The following BUD13 variants were observed in gnomAD, a reference collection of about 807,000 sequenced individuals.
BUD13 encodes BUD13 homolog.
A neutral mutation model predicts 62.5 loss-of-function variants in BUD13; 47 were observed. That is an observed-to-expected ratio of 0.75 (90% CI 0.60 to 0.96). The LOEUF is 0.96. Among genes scored for constraint, BUD13 ranks in the 40% least tolerant of loss-of-function variants. The pLI, the probability that BUD13 is intolerant of heterozygous loss-of-function variation, is 0.00. For missense variants in BUD13, 821 were observed against 790.9 expected (o/e 1.04, Z -0.46); for synonymous variants, 293 against 280.1 (o/e 1.05, Z -0.46).
At chr11:116,749,103 C>A (rs1351236848) in intron 9 of BUD13, among the ~76,000 whole-genome samples, 1 of 152,126 alleles carries the variant, frequency 6.6e-6, no homozygotes, top group Admixed American at 6.5e-5. Flanking sequence ...CTTGTTCACA[C>A]CCTTCCCCCA....
At position 116,763,175 on chromosome 11, in the gene BUD13, T is replaced by C. The variant is rs908713983; in HGVS notation, c.414A>G (p.Pro138=). 4.4e-6 allele frequency: 7 copies of C among 1,599,586 alleles called. No individual in the cohort carries two copies. In the South Asian group the frequency reaches 5.6e-5, roughly 13 times the overall value. Residue 138 remains proline, a synonymous_variant, in exon 4 of 10, where the codon CCA becomes CCG. Coordinates refer to ENST00000260210, the MANE Select transcript of BUD13 (RefSeq NM_032725.4). ...TGTCATGACGGTCCTTCCTAGGAGA[T>C]GGATCTGGGGTACCATGACGGACCC... ...PRRVRHGTPD[P]SPRKDRHDTP...
rs779829199 is a variant in BUD13 at position 116,770,239 on chromosome 11, A to T, written c.144-17T>A. 1 of 1,589,026 alleles carries T rather than the reference A, an allele frequency of 6.3e-7. No homozygotes were observed. Among genetic ancestry groups the T allele is most frequent in the Non-Finnish European group, 8.6e-7 (1 of 1,168,124 alleles). On this transcript the variant is annotated splice_polypyrimidine_tract_variant and intron_variant, in intron 1 of 9. Coordinates refer to ENST00000260210, the MANE Select transcript of BUD13 (RefSeq NM_032725.4). ...ATCCGCATTCTAAATGAGAATAAGA[A>T]GATCAAAAAGAGTCATTCTAGGATA...
intron 4 of BUD13, among the ~76,000 whole-genome samples, chr11:116,762,092 T>C (rs1443276298): frequency 6.6e-5 from 10 of 152,220 alleles, no homozygotes; most frequent in Non-Finnish European, 1.5e-5. Flanking sequence ...TTAAAAATTA[T>C]ACTAACATAA....
At chr11:116,762,527 C>A (rs773194689) in intron 4 of BUD13, 26 bp downstream of exon 4, 2 of 1,520,506 alleles carry the variant, frequency 1.3e-6, no homozygotes, top group Non-Finnish European at 1.8e-6. Flanking sequence ...TACATACATC[C>A]CTCTCATGGA....
At chr11:116,754,634 A>C (rs1160352940) in intron 9 of BUD13, among the ~76,000 whole-genome samples, 5 of 152,236 alleles carry the variant, frequency 3.3e-5, no homozygotes, top group African/African-American at 1.2e-4. Context: ...CAACACATTT[A>C]ATAAATGTGT....
At chr11:116,763,753 T>C (rs191577252) in intron 3 of BUD13, among the ~76,000 whole-genome samples, 38 of 152,360 alleles carry the variant, frequency 2.5e-4, no homozygotes, top group Admixed American at 6.5e-4. Flanking sequence ...TTATAGTTTG[T>C]ACTCACTCTT....
intron 9 of BUD13, among the ~76,000 whole-genome samples, chr11:116,755,912 AT>A (rs1307641251): frequency 6.6e-6 from 1 of 152,098 alleles, no homozygotes; most frequent in African/African-American, 2.4e-5. Flanking sequence ...GTCATCAGTA[AT>A]TTTTAAGAGC....
chr11:116,766,759 C>T (rs1192530758), intron 2 of BUD13, among the ~76,000 whole-genome samples: 1 of 152,170 alleles, frequency 6.6e-6, no homozygotes, highest in Non-Finnish European at 1.5e-5. Flanking sequence ...ACCATTATTA[C>T]TGGTGGTGGT....
chr11:116,771,892 T>G (rs1190675427), intron 1 of BUD13, among the ~76,000 whole-genome samples: 1 of 152,228 alleles, frequency 6.6e-6, no homozygotes, highest in Non-Finnish European at 1.5e-5. Context: ...GCTAGCAATC[T>G]GAAATCCAGG....
At chr11:116,771,465 C>A (rs573355294) in intron 1 of BUD13, among the ~76,000 whole-genome samples, 2 of 152,232 alleles carry the variant, frequency 1.3e-5, no homozygotes, top group Non-Finnish European at 2.9e-5. Context: ...TGAAGTTATT[C>A]AAAAAGCCAG....
At chr11:116,756,287 G>T (rs538754948) in intron 9 of BUD13, among the ~76,000 whole-genome samples, 1 of 151,984 alleles carries the variant, frequency 6.6e-6, no homozygotes, top group African/African-American at 2.4e-5. Context: ...TGAAGTGGGC[G>T]GGTCACCTGA....
chr11:116,750,473 C>A lies in BUD13; in HGVS notation c.1767-1898G>T, dbSNP rs150622841. Among the ~76,000 whole-genome samples the A allele has an allele frequency of 3.4e-3, 525 of 152,306 alleles. 1 individual carries two copies. The highest frequency in any genetic ancestry group is 0.012 in the African/African-American group (502 of 41,556). ...GTTTCACTACACAACGGAACTAGCCCTTTCAGGTCATCACTGACATTCCTT... is the reference window on the plus strand; with the variant it reads ...GTTTCACTACACAACGGAACTAGCCATTTCAGGTCATCACTGACATTCCTT... On this transcript the variant is annotated intron_variant, in intron 9 of 9. Transcript: ENST00000260210.
chr11:116,757,225 T>C lies in BUD13; in HGVS notation c.1687A>G (p.Arg563Gly). Residue 563 changes from arginine to glycine, a missense_variant and splice_region_variant, in exon 9 of 10, where the codon AGA becomes GGA. This residue lies in a region of BUD13 where 800 missense variants were observed against 739.2 expected (regional missense o/e 1.08). Transcript: ENST00000260210. Reference protein sequence around the residue: ...KAKENKNKKVRPRYSGPAPPP... With the variant: ...KAKENKNKKVGPRYSGPAPPP... ...GGTGCTGGACCACTGTAGCGAGGTC[T>C]CACTAATGAGAGGAGTAAGAAAAAA... 2 of 1,613,664 alleles carry C rather than the reference T, an allele frequency of 1.2e-6. No homozygotes were observed. Among genetic ancestry groups the C allele is most frequent in the Non-Finnish European group, 1.7e-6 (2 of 1,179,580 alleles).
chr11:116,756,511 C>CA (rs370267201), intron 9 of BUD13, among the ~76,000 whole-genome samples: 7,745 of 139,000 alleles, frequency 0.056, 279 homozygotes, highest in East Asian at 0.12. Context: ...GGCTCCATCT[C>CA]AAAAAAAAAA....
At chr11:116,762,326 G>C (rs952802915) in intron 4 of BUD13, among the ~76,000 whole-genome samples, 1 of 152,120 alleles carries the variant, frequency 6.6e-6, no homozygotes, top group African/African-American at 2.4e-5. Flanking sequence ...CAAAGCTTCT[G>C]CAACAAATAA....
rs1940345067 is a variant in BUD13, at chr11:116,757,319, A to G, written c.1685-92T>C. ...TGTGGAATTTTCCTTTTTTTTTAGTAGAGTCTCACTCTGTTGCCCAGGCTG... is the reference window on the plus strand; with the variant it reads ...TGTGGAATTTTCCTTTTTTTTTAGTGGAGTCTCACTCTGTTGCCCAGGCTG... On this transcript the variant is annotated intron_variant, in intron 8 of 9. Coordinates refer to ENST00000260210, the MANE Select transcript of BUD13 (RefSeq NM_032725.4). 9 of 1,140,610 alleles carry G rather than the reference A, an allele frequency of 7.9e-6. No individual in the cohort carries two copies. In the South Asian group the frequency reaches 1.2e-4, roughly 16 times the overall value. The allele number at this position is 1,140,610 out of a possible 1,614,324, so 70.7% of individuals were successfully genotyped here. A position where few individuals can be genotyped will look rare whatever the true frequency, so the allele number is the denominator to read the frequency against.
chr11:116,763,716 C>T (rs1940480285), intron 3 of BUD13, among the ~76,000 whole-genome samples: 1 of 152,194 alleles, frequency 6.6e-6, no homozygotes, highest in Non-Finnish European at 1.5e-5. Context: ...CAGCTAGTGG[C>T]TCCTACTGAT....
At chr11:116,749,970 G>A (rs991759831) in intron 9 of BUD13, among the ~76,000 whole-genome samples, 3 of 152,204 alleles carry the variant, frequency 2.0e-5, no homozygotes, top group African/African-American at 4.8e-5. Flanking sequence ...CAGGCTTACA[G>A]TAGAAGCTGA....
chr11:116,765,968 T>A (rs929293368), intron 2 of BUD13, among the ~76,000 whole-genome samples: 4 of 152,234 alleles, frequency 2.6e-5, no homozygotes, highest in Non-Finnish European at 4.4e-5. Flanking sequence ...ACATTTCATA[T>A]CTTCTAAACT....
Sources: allele counts gnomAD v4.1 joint callset (sites outside exome capture counted in the v4.1 genomes callset), GRCh38; gene constraint gnomAD v4.1.1; regional missense constraint gnomAD v4.1.1; transcripts MANE v1.5; gene names NCBI Gene and HGNC (gene_info 2026-07-23, HGNC 2026-07-21).